SGIP1: variants seen among roughly 807,000 people sequenced by gnomAD.
The protein encoded by SGIP1 is SH3GL interacting endocytic adaptor 1.
Under a neutral mutation model 107.5 loss-of-function variants are expected in SGIP1, and 38 were observed. The observed-to-expected ratio is 0.35, with a 90% confidence interval of 0.27 to 0.46. The LOEUF (loss-of-function observed/expected upper bound fraction) is 0.46. SGIP1 is among the 20% of genes least tolerant of loss of function. The pLI is 1.00. For missense variants in SGIP1, 929 were observed against 1,019.5 expected, an observed-to-expected ratio of 0.91 and a Z score of 1.21; for synonymous variants, 365 against 366.1, an observed-to-expected ratio of 1.00 and a Z score of 0.03.
chr1:66,631,032 G>A (rs1014131645), intron 2 of SGIP1, among the ~76,000 whole-genome samples: 10 of 110,720 alleles, frequency 9.0e-5, no homozygotes, highest in South Asian at 3.8e-4. Flanking sequence ...GGAAAGGAAG[G>A]AAGGAAGAAA....
intron 24 of SGIP1, among the ~76,000 whole-genome samples, chr1:66,742,677 G>A (rs1403518173): frequency 7.4e-5 from 11 of 148,898 alleles, no homozygotes; most frequent in African/African-American, 2.8e-4. Context: ...CACCGTGTTA[G>A]CCAGGATGGT....
chr1:66,720,924 G>A (rs547839561), intron 19 of SGIP1, among the ~76,000 whole-genome samples: 10 of 152,156 alleles, frequency 6.6e-5, no homozygotes, highest in East Asian at 5.8e-4. Context: ...AGTTTTAGAC[G>A]TAAAACTCGA....
chr1:66,726,501 C>T (rs1557768651), intron 19 of SGIP1, among the ~76,000 whole-genome samples: 1 of 152,130 alleles, frequency 6.6e-6, no homozygotes, highest in Non-Finnish European at 1.5e-5. Context: ...CTACTGTAAT[C>T]AAGACAGTGC....
At chr1:66,542,421 A>C in intron 1 of SGIP1, among the ~76,000 whole-genome samples, 1 of 152,226 alleles carries the variant, frequency 6.6e-6, no homozygotes, top group Non-Finnish European at 1.5e-5. Flanking sequence ...CAGTGCCTAC[A>C]TGATGAGATG....
At chr1:66,535,582 A>G (rs1023409455) in intron 1 of SGIP1, among the ~76,000 whole-genome samples, 1 of 152,184 alleles carries the variant, frequency 6.6e-6, no homozygotes, top group Non-Finnish European at 1.5e-5. Context: ...TGGGGGAGTG[A>G]AGAATTCTAG....
chr1:66,591,716 G>A (rs1162966849), intron 1 of SGIP1, among the ~76,000 whole-genome samples: 1 of 152,200 alleles, frequency 6.6e-6, no homozygotes, highest in Admixed American at 6.5e-5. Context: ...ACCAGCGCGG[G>A]CACTGGTCTC....
chr1:66,681,913 T>C lies in SGIP1; in HGVS notation c.859T>C (p.Ser287Pro). Residue 287 changes from serine (S) to proline (P), a missense_variant, in exon 15 of 25, where the codon TCC becomes CCC. Around this residue, in one of 2 missense-constraint regions of SGIP1, gnomAD observed 588 missense variants for 588.6 expected, o/e 1.00. Coordinates refer to ENST00000371037, the MANE Select transcript of SGIP1 (RefSeq NM_032291.4). ...AGAGGTCAAAATTGAAAAACTACCA[T>C]CCATCAATGACTTGGACAGCATTTT... ...ATEVKIEKLP[S>P]INDLDSIFGP... 4 of 1,613,952 alleles carry C rather than the reference T, an allele frequency of 2.5e-6. No homozygotes were observed. Among genetic ancestry groups the C allele is most frequent in the Non-Finnish European group, 3.4e-6 (4 of 1,179,894 alleles).
intron 1 of SGIP1, among the ~76,000 whole-genome samples, chr1:66,591,398 A>G (rs923248050): frequency 1.6e-4 from 25 of 152,168 alleles, no homozygotes; most frequent in African/African-American, 6.0e-4. Context: ...ATTTTGATAA[A>G]GTTCCTTCTT....
chr1:66,712,813 G>C (rs905836357), intron 18 of SGIP1, among the ~76,000 whole-genome samples: 10 of 152,096 alleles, frequency 6.6e-5, no homozygotes, highest in African/African-American at 2.4e-4. Flanking sequence ...GACCTTGCTT[G>C]GTAATGAGAG....
intron 1 of SGIP1, among the ~76,000 whole-genome samples, chr1:66,582,267 G>T (rs527539982): frequency 7.2e-5 from 11 of 152,202 alleles, no homozygotes; most frequent in Admixed American, 4.6e-4. Context: ...AACATTATTT[G>T]TATAACATTG....
chr1:66,733,361 A>T (rs1004840577), intron 20 of SGIP1, among the ~76,000 whole-genome samples: 1 of 152,214 alleles, frequency 6.6e-6, no homozygotes, highest in Non-Finnish European at 1.5e-5. Context: ...ATTCAAAAGT[A>T]AATAAACGTA....
chr1:66,718,796 T>C (rs994170065), intron 18 of SGIP1, among the ~76,000 whole-genome samples: 3 of 152,096 alleles, frequency 2.0e-5, no homozygotes, highest in Non-Finnish European at 4.4e-5. Flanking sequence ...TTACTTGATC[T>C]GAGAGTAACT....
intron 7 of SGIP1, among the ~76,000 whole-genome samples, chr1:66,655,541 A>G (rs1034919567): frequency 1.3e-5 from 2 of 152,208 alleles, no homozygotes; most frequent in Non-Finnish European, 2.9e-5. Flanking sequence ...CATTGTGTGC[A>G]CAACACAGAG....
chr1:66,573,131 A>G (rs975285071), intron 1 of SGIP1, among the ~76,000 whole-genome samples: 2 of 152,020 alleles, frequency 1.3e-5, no homozygotes, highest in African/African-American at 4.8e-5. Context: ...CCAGAATTAG[A>G]TAGTAGTGAT....
At chr1:66,631,091 G>GAAAGAAAA (rs938620833) in intron 2 of SGIP1, among the ~76,000 whole-genome samples, 1 of 137,832 alleles carries the variant, frequency 7.3e-6, no homozygotes, top group African/African-American at 2.6e-5. Flanking sequence ...AAGAAAGAAA[G>GAAAGAAAA]AAAGAAAGAA....
At position 66,557,853 on chromosome 1, in the gene SGIP1, T is replaced by C. The variant is rs116405425; in HGVS notation, c.10+23485T>C. ...AAATGCACTAATCTATAGAAGACAC[T>C]TACACTTTGTGGATTTGTGATTCAG... On this transcript the variant is annotated intron_variant, in intron 1 of 24. Transcript: ENST00000371037. Among the ~76,000 whole-genome samples the C allele has an allele frequency of 6.5e-3, 990 of 152,246 alleles. 12 individuals are homozygous for C. Among genetic ancestry groups the C allele is most frequent in the African/African-American group, 0.022 (934 of 41,566 alleles).
At chr1:66,676,720 C>T (rs923389909) in intron 12 of SGIP1, among the ~76,000 whole-genome samples, 5 of 152,096 alleles carry the variant, frequency 3.3e-5, no homozygotes, top group African/African-American at 1.2e-4. Context: ...CTCAGAATGT[C>T]CTTACGTGAC....
Position 66,749,598 on chromosome 1 carries a change from C to G in SGIP1, c.*6503C>G, listed in dbSNP as rs958654397. 1.3e-5 allele frequency among the ~76,000 whole-genome samples: 2 copies of G among 151,970 alleles called. No individual in the cohort carries two copies. The highest frequency in any genetic ancestry group is 2.9e-5 in the Non-Finnish European group (2 of 67,918). The stretch of plus-strand genomic sequence containing the variant: ...TCAAACTGAATCACTTTACATTTCT[C>G]TAAAGATAGTTCAGTTTTTAATCCA... On this transcript the variant is annotated 3_prime_UTR_variant, in exon 25 of 25. Transcript: ENST00000371037.
chr1:66,655,256 C>T (rs1248817863), intron 7 of SGIP1, among the ~76,000 whole-genome samples: 1 of 151,984 alleles, frequency 6.6e-6, no homozygotes, highest in East Asian at 1.9e-4. Flanking sequence ...CCTCTCCTTC[C>T]ACTACTCCCT....
Sources: gnomAD v4.1 joint callset for allele counts (sites outside exome capture counted in the v4.1 genomes callset) on GRCh38, gnomAD v4.1.1 for gene constraint, gnomAD v4.1.1 regional missense constraint, MANE v1.5 for transcripts, NCBI Gene and HGNC (gene_info 2026-07-23, HGNC 2026-07-21) for gene names.